NPAS3: variants seen among roughly 807,000 people sequenced by gnomAD.
NPAS3 encodes the protein neuronal PAS domain protein 3, also known as neuronal PAS domain-containing protein 3.
Under a neutral mutation model 73.1 loss-of-function variants are expected in NPAS3, and 14 were observed. The ratio of observed to expected loss-of-function variants is 0.19; its 90% confidence interval spans 0.13 to 0.30. The LOEUF (loss-of-function observed/expected upper bound fraction) is 0.30. Ranked by LOEUF, NPAS3 falls within the 10% of genes least tolerant of loss-of-function variation. The probability of loss-of-function intolerance (pLI) is 1.00; values close to 1 mark genes in which losing one functional copy is unlikely to be tolerated. For synonymous variants in NPAS3, 620 were observed against 541.5 expected (o/e 1.14, Z -2.01); for missense variants, 1,096 against 1,250.0 (o/e 0.88, Z 1.86).
chr14:33,651,304 C>G (rs981927230), intron 5 of NPAS3, among the ~76,000 whole-genome samples: 6 of 152,208 alleles, frequency 3.9e-5, no homozygotes, highest in Non-Finnish European at 7.3e-5. Context: ...ACAGATCTGT[C>G]TTCTTCCTGG....
intron 7 of NPAS3, among the ~76,000 whole-genome samples, chr14:33,740,018 A>T (rs2061617712): frequency 1.3e-5 from 2 of 152,142 alleles, no homozygotes; most frequent in South Asian, 4.1e-4. Context: ...CTTCTGTGCT[A>T]AATAGCATTT....
chr14:33,635,006 T>C (rs2058476333), intron 5 of NPAS3, among the ~76,000 whole-genome samples: 1 of 152,198 alleles, frequency 6.6e-6, no homozygotes, highest in Admixed American at 6.5e-5. Context: ...TTCTGATATA[T>C]GCTCAAGTTT....
intron 1 of NPAS3, among the ~76,000 whole-genome samples, chr14:32,989,882 A>T (rs973100522): frequency 6.6e-6 from 1 of 152,214 alleles, no homozygotes; most frequent in Non-Finnish European, 1.5e-5. Context: ...AGGAGATATC[A>T]GTGTGAAGCT....
chr14:33,180,799 CAAGA>C (rs748746036), intron 2 of NPAS3, among the ~76,000 whole-genome samples: 57 of 69,348 alleles, frequency 8.2e-4, no homozygotes, highest in South Asian at 5.8e-3. Context: ...ACACTGTCTC[CAAGA>C]AAAAAAAAAA....
intron 1 of NPAS3, among the ~76,000 whole-genome samples, chr14:32,999,220 G>A (rs937565357): frequency 3.3e-5 from 5 of 152,114 alleles, no homozygotes; most frequent in Non-Finnish European, 7.4e-5. Flanking sequence ...TATTATAAAT[G>A]TTATATTCCG....
At position 33,000,330 on chromosome 14, in the gene NPAS3, G is replaced by A. The variant is rs147154436; in HGVS notation, c.51-55575G>A. On this transcript the variant is annotated intron_variant, in intron 1 of 11. Transcript: ENST00000356141. ...AGAAAGTATTTCAGGCTCAAATGCC[G>A]ACTAAGTGTGGCAGGTTGTTTAGCC... Among the ~76,000 whole-genome samples, 21 of 152,244 alleles carry A rather than the reference G, an allele frequency of 1.4e-4. 1 individual carries two copies. The highest frequency in any genetic ancestry group is 3.9e-4 in the African/African-American group (16 of 41,554).
At chr14:33,613,161 A>G (rs1318636463) in intron 5 of NPAS3, among the ~76,000 whole-genome samples, 1 of 152,120 alleles carries the variant, frequency 6.6e-6, no homozygotes, top group African/African-American at 2.4e-5. Context: ...GAGTAGCCCA[A>G]ATTCACACAG....
chr14:33,638,432 G>A (rs1344426137), intron 5 of NPAS3, among the ~76,000 whole-genome samples: 1 of 152,186 alleles, frequency 6.6e-6, no homozygotes, highest in Non-Finnish European at 1.5e-5. Context: ...TCTACGTGAT[G>A]TTGGATAAAC....
At chr14:33,687,940 C>T (rs532357166) in intron 6 of NPAS3, among the ~76,000 whole-genome samples, 26 of 152,302 alleles carry the variant, frequency 1.7e-4, no homozygotes, top group African/African-American at 3.4e-4. Flanking sequence ...ATTTTATACA[C>T]GCTAGGTAAA....
At chr14:33,562,917 A>ACACACACC (rs796283021) in intron 5 of NPAS3, among the ~76,000 whole-genome samples, 15 of 151,880 alleles carry the variant, frequency 9.9e-5, no homozygotes, top group African/African-American at 2.2e-4. Context: ...ACACACACAC[A>ACACACACC]CCCTTAATCA....
At chr14:33,543,508 T>C (rs980589229) in intron 4 of NPAS3, among the ~76,000 whole-genome samples, 40 of 152,130 alleles carry the variant, frequency 2.6e-4, no homozygotes, top group African/African-American at 7.7e-4. Flanking sequence ...GTTTCCAGTA[T>C]TTGGGGGGCA....
chr14:33,117,949 A>G (rs2043118906), intron 2 of NPAS3, among the ~76,000 whole-genome samples: 1 of 152,128 alleles, frequency 6.6e-6, no homozygotes, highest in Non-Finnish European at 1.5e-5. Context: ...CAATTTAGGC[A>G]GGATTGAGAA....
chr14:32,968,370 A>G (rs1423026248), intron 1 of NPAS3, among the ~76,000 whole-genome samples: 1 of 152,200 alleles, frequency 6.6e-6, no homozygotes, highest in East Asian at 1.9e-4. Context: ...TGTGTCAATT[A>G]AAAATAAAAC....
rs577085826 is a variant in NPAS3 at position 33,361,620 on chromosome 14, A to G, written c.386-5566A>G. Among the ~76,000 whole-genome samples, 52 of 152,366 alleles carry G rather than the reference A, an allele frequency of 3.4e-4. 2 individuals are homozygous for G. Among genetic ancestry groups the G allele is most frequent in the Admixed American group, 2.9e-3 (44 of 15,312 alleles). ...TACTTAAATGGTGGAAGATATTTAA[A>G]TATGTATTGCATCAAAAAATTTTGG... is the stretch of plus-strand genomic sequence containing the variant. On this transcript the variant is annotated intron_variant, in intron 3 of 11. Coordinates refer to ENST00000356141, the Ensembl canonical transcript of NPAS3.
intron 3 of NPAS3, among the ~76,000 whole-genome samples, chr14:33,350,989 G>C (rs1594751122): frequency 6.6e-6 from 1 of 152,144 alleles, no homozygotes; most frequent in Non-Finnish European, 1.5e-5. Context: ...GAGGTAATTA[G>C]AGCCCTCCAA....
intron 5 of NPAS3, among the ~76,000 whole-genome samples, chr14:33,563,566 G>GAGAGAGAGAGAGAGAGAGAGAGA: frequency 1.1e-5 from 1 of 91,894 alleles, no homozygotes; most frequent in African/African-American, 5.5e-5. Flanking sequence ...AGAGAGAGAG[G>GAGAGAGAGAGAGAGAGAGAGAGA]AGAGATGTAT....
At chr14:33,215,500 T>TC in intron 3 of NPAS3, 74 bp downstream of exon 3, 1 of 1,514,374 alleles carries the variant, frequency 6.6e-7, no homozygotes, top group South Asian at 1.1e-5. Flanking sequence ...TTTACCATCA[T>TC]CCTTTCTTCT....
At chr14:33,107,494 G>A (rs1371646577) in intron 2 of NPAS3, among the ~76,000 whole-genome samples, 4 of 152,060 alleles carry the variant, frequency 2.6e-5, no homozygotes, top group Non-Finnish European at 5.9e-5. Context: ...ACAGATAATT[G>A]AGAATATGCA....
chr14:33,173,945 G>T (rs1426865114), intron 2 of NPAS3, among the ~76,000 whole-genome samples: 1 of 152,142 alleles, frequency 6.6e-6, no homozygotes, highest in Non-Finnish European at 1.5e-5. Flanking sequence ...ACAGAAATTA[G>T]TTACAGAATC....
Sources: gnomAD v4.1 joint callset for allele counts (sites outside exome capture counted in the v4.1 genomes callset) on GRCh38, gnomAD v4.1.1 for gene constraint, MANE v1.5 for transcripts, NCBI Gene and HGNC (gene_info 2026-07-23, HGNC 2026-07-21) for gene names.